The following CCDC60 variants were observed in gnomAD, a reference collection of about 807,000 sequenced individuals.
CCDC60 encodes coiled-coil domain containing 60.
Under a neutral mutation model 63.5 loss-of-function variants are expected in CCDC60, and 54 were observed. That is an observed-to-expected ratio of 0.85 (90% CI 0.68 to 1.07). CCDC60 has a LOEUF of 1.07. Among genes scored for constraint, CCDC60 ranks in the 50% least tolerant of loss-of-function variants. The probability of loss-of-function intolerance (pLI) is 0.00; values close to 1 mark genes in which losing one functional copy is unlikely to be tolerated. For synonymous variants in CCDC60, 206 were observed against 238.8 expected, an observed-to-expected ratio of 0.86 and a Z score of 1.27; for missense variants, 651 against 684.3, an observed-to-expected ratio of 0.95 and a Z score of 0.54.
chr12:119,373,159 T>G (rs1955915075), intron 1 of CCDC60, among the ~76,000 whole-genome samples: 1 of 152,188 alleles, frequency 6.6e-6, no homozygotes, highest in Non-Finnish European at 1.5e-5. Context: ...TCAAGCTGAC[T>G]GACCTGGATC....
intron 1 of CCDC60, among the ~76,000 whole-genome samples, chr12:119,374,380 A>G (rs112716706): frequency 7.4e-4 from 112 of 152,362 alleles, no homozygotes; most frequent in Middle Eastern, 3.4e-3. Flanking sequence ...AGAAAACTAA[A>G]GCACAGAGAA....
At chr12:119,440,447 G>T (rs886593680) in intron 2 of CCDC60, among the ~76,000 whole-genome samples, 1 of 152,072 alleles carries the variant, frequency 6.6e-6, no homozygotes, top group Non-Finnish European at 1.5e-5. Context: ...GGAGAATGGC[G>T]TTAACCCGGG....
At chr12:119,503,168 C>A (rs1242782986) in intron 6 of CCDC60, among the ~76,000 whole-genome samples, 1 of 152,080 alleles carries the variant, frequency 6.6e-6, no homozygotes, top group Non-Finnish European at 1.5e-5. Context: ...CAGAGTCAGA[C>A]CCTGTCAAAT....
chr12:119,408,549 C>T lies in CCDC60; in HGVS notation c.91-20134C>T, dbSNP rs547728577. On this transcript the variant is annotated intron_variant, in intron 1 of 13. Transcript: ENST00000327554. ...TTTAAAAGTAATAGCAAGGGCTGGG[C>T]GCAGTGGCTCACACCTGTAATCTCA... Among the ~76,000 whole-genome samples, 5 of 152,294 alleles carry T rather than the reference C, an allele frequency of 3.3e-5. 1 individual carries two copies. Among genetic ancestry groups the T allele is most frequent in the South Asian group, 2.1e-4 (1 of 4,818 alleles).
intron 3 of CCDC60, among the ~76,000 whole-genome samples, chr12:119,477,697 G>A (rs1439909396): frequency 1.3e-5 from 2 of 152,206 alleles, no homozygotes; most frequent in African/African-American, 4.8e-5. Context: ...AGAAAGAAAG[G>A]CAGAGAGTGA....
At chr12:119,411,941 G>T (rs189404539) in intron 1 of CCDC60, among the ~76,000 whole-genome samples, 340 of 152,162 alleles carry the variant, frequency 2.2e-3, no homozygotes, top group African/African-American at 8.0e-3. Context: ...GTAGTTAAGT[G>T]TCTCCTACTA....
intron 1 of CCDC60, among the ~76,000 whole-genome samples, chr12:119,384,932 T>C (rs1047780156): frequency 6.7e-6 from 1 of 148,554 alleles, no homozygotes; most frequent in East Asian, 1.9e-4. Flanking sequence ...TGACCAAACA[T>C]TGAGTGGGGG....
At chr12:119,508,077 C>T (rs572654750) in intron 7 of CCDC60, among the ~76,000 whole-genome samples, 39 of 150,104 alleles carry the variant, frequency 2.6e-4, no homozygotes, top group Admixed American at 4.6e-4. Flanking sequence ...AGGCTGAGGT[C>T]GGGGGATCAC....
At chr12:119,510,668 T>C (rs1952192002) in intron 7 of CCDC60, among the ~76,000 whole-genome samples, 1 of 152,198 alleles carries the variant, frequency 6.6e-6, no homozygotes, top group Non-Finnish European at 1.5e-5. Context: ...TAAGGTGGCT[T>C]CCATAGATCA....
chr12:119,393,337 G>A (rs1956193655), intron 1 of CCDC60, among the ~76,000 whole-genome samples: 2 of 152,148 alleles, frequency 1.3e-5, no homozygotes, highest in Non-Finnish European at 2.9e-5. Flanking sequence ...AGGGAGGAGG[G>A]GGAAAATGCA....
intron 1 of CCDC60, among the ~76,000 whole-genome samples, chr12:119,389,692 TCTGAGCCC>T (rs1334769761): frequency 1.3e-5 from 2 of 152,020 alleles, no homozygotes; most frequent in Non-Finnish European, 2.9e-5. Flanking sequence ...TCATGGTAAG[TCTGAGCCC>T]CTGAGCCCCA....
Position 119,516,724 on chromosome 12 carries a change from C to G in CCDC60, c.968+17C>G. On this transcript the variant is annotated intron_variant, in intron 8 of 13. Coordinates refer to ENST00000327554, the MANE Select transcript of CCDC60 (RefSeq NM_178499.5). Reference sequence around the variant, plus strand: ...AGCACCCAGGTATGTGCTCTTGACTCCTGGGGCAAATAAAGCTTAGAATAA... The same window carrying G: ...AGCACCCAGGTATGTGCTCTTGACTGCTGGGGCAAATAAAGCTTAGAATAA... 1 of 1,556,284 alleles carries G rather than the reference C, an allele frequency of 6.4e-7. No individual in the cohort carries two copies. Among genetic ancestry groups the G allele is most frequent in the Non-Finnish European group, 8.9e-7 (1 of 1,129,866 alleles).
At chr12:119,529,631 C>G (rs982805061) in intron 12 of CCDC60, among the ~76,000 whole-genome samples, 2 of 152,158 alleles carry the variant, frequency 1.3e-5, no homozygotes, top group Non-Finnish European at 2.9e-5. Context: ...GTTGTTGGAA[C>G]TTCTACACAT....
intron 2 of CCDC60, among the ~76,000 whole-genome samples, chr12:119,437,272 G>A (rs1372354721): frequency 6.6e-6 from 1 of 152,148 alleles, no homozygotes; most frequent in Non-Finnish European, 1.5e-5. Flanking sequence ...CAAGTTCGAT[G>A]ACAGTCATGT....
In CCDC60 at chr12:119,522,885, C is replaced by A. The variant is rs1185109490; in HGVS notation, c.1041-54C>A. 9 of 1,567,952 alleles carry A rather than the reference C, an allele frequency of 5.7e-6. No homozygotes were observed. In the Admixed American group the frequency reaches 1.5e-4, roughly 26 times the overall value. On this transcript the variant is annotated intron_variant, in intron 9 of 13. Transcript: ENST00000327554. ...GGTGCCATGGAGCACTGGGGGCACCCTTTTCTTGAAAAGCAGACTCTGAGC... is the reference window on the plus strand; with the variant it reads ...GGTGCCATGGAGCACTGGGGGCACCATTTTCTTGAAAAGCAGACTCTGAGC...
intron 2 of CCDC60, among the ~76,000 whole-genome samples, chr12:119,430,203 TAC>T (rs922536200): frequency 1.5e-4 from 19 of 124,132 alleles, no homozygotes; most frequent in African/African-American, 3.3e-4. Flanking sequence ...CACACACACA[TAC>T]ACACACACAC....
At chr12:119,429,898 G>C (rs924547794) in intron 2 of CCDC60, among the ~76,000 whole-genome samples, 1 of 152,098 alleles carries the variant, frequency 6.6e-6, no homozygotes, top group Non-Finnish European at 1.5e-5. Context: ...ACTAGAAAAA[G>C]TAAATAGAAA....
intron 4 of CCDC60, among the ~76,000 whole-genome samples, chr12:119,486,353 G>A (rs1231742814): frequency 3.9e-5 from 6 of 152,070 alleles, no homozygotes; most frequent in Admixed American, 2.6e-4. Context: ...CCTAGGCAAC[G>A]TAGGAAGTCC....
rs1956793442 is a variant in CCDC60 at position 119,420,498 on chromosome 12, G to A, written c.91-8185G>A. ...ACATCACATGTTCTCACTTATTTGT[G>A]GGATCTACAAATCAAAACAATTGAA... On this transcript the variant is annotated intron_variant, in intron 1 of 13. Coordinates refer to ENST00000327554, the MANE Select transcript of CCDC60 (RefSeq NM_178499.5). The surrounding 1 kb of genome is among the most constrained non-coding windows in gnomAD (Gnocchi z 4.1). Among the ~76,000 whole-genome samples, 1 of 152,088 alleles carries A rather than the reference G, an allele frequency of 6.6e-6. No individual in the cohort carries two copies. The highest frequency in any genetic ancestry group is 2.4e-5 in the African/African-American group (1 of 41,414).
Sources: gnomAD v4.1 joint callset for allele counts (sites outside exome capture counted in the v4.1 genomes callset) on GRCh38, gnomAD v4.1.1 for gene constraint, Gnocchi (gnomAD v3.1) non-coding constraint, MANE v1.5 for transcripts, NCBI Gene and HGNC (gene_info 2026-07-23, HGNC 2026-07-21) for gene names.